Variants in ARHGAP42 observed in about 807,000 individuals in gnomAD.
The protein encoded by ARHGAP42 is rho GTPase-activating protein 42.
A neutral mutation model predicts 125.0 loss-of-function variants in ARHGAP42; 63 were observed. That is an observed-to-expected ratio of 0.50 (90% confidence interval 0.41 to 0.62). ARHGAP42 has a LOEUF of 0.62. ARHGAP42 is among the 20% of genes least tolerant of loss of function. The pLI, the probability that ARHGAP42 is intolerant of heterozygous loss-of-function variation, is 0.00. For synonymous variants in ARHGAP42, 339 were observed against 351.0 expected (o/e 0.97, Z 0.38); for missense variants, 766 against 1,024.2 (o/e 0.75, Z 3.44).
At chr11:100,836,352 A>T (rs551678707) in intron 3 of ARHGAP42, among the ~76,000 whole-genome samples, 1 of 152,240 alleles carries the variant, frequency 6.6e-6, no homozygotes, top group Admixed American at 6.5e-5. Flanking sequence ...ATTTTATGTT[A>T]TGCAGAGCTT....
intron 4 of ARHGAP42, among the ~76,000 whole-genome samples, chr11:100,871,159 T>A (rs1465979321): frequency 6.6e-6 from 1 of 152,162 alleles, no homozygotes; most frequent in Non-Finnish European, 1.5e-5. Flanking sequence ...TTGGAAACCC[T>A]CTAAAGACTA....
chr11:100,971,727 G>C (rs959840302), intron 17 of ARHGAP42, among the ~76,000 whole-genome samples: 2 of 152,068 alleles, frequency 1.3e-5, no homozygotes, highest in African/African-American at 4.8e-5. Flanking sequence ...AGTGCCTAAA[G>C]CTAATTTAAT....
At chr11:100,898,487 G>A (rs1250476096) in intron 4 of ARHGAP42, among the ~76,000 whole-genome samples, 2 of 152,178 alleles carry the variant, frequency 1.3e-5, no homozygotes, top group South Asian at 2.1e-4. Context: ...GTTTTTGGTT[G>A]GTAGGCTATT....
chr11:100,751,769 G>A (rs542195198), intron 1 of ARHGAP42, among the ~76,000 whole-genome samples: 2 of 122,770 alleles, frequency 1.6e-5, no homozygotes, highest in East Asian at 4.2e-4. Flanking sequence ...GATCAGACAG[G>A]CACCTTTTTT....
chr11:100,706,072 C>A (rs1456036057), intron 1 of ARHGAP42, among the ~76,000 whole-genome samples: 2 of 151,192 alleles, frequency 1.3e-5, no homozygotes, highest in African/African-American at 4.9e-5. Flanking sequence ...CTCTGCATCC[C>A]GGGTTCAGGC....
intron 22 of ARHGAP42, chr11:100,986,112 C>T (rs1262892306): frequency 1.5e-5 from 7 of 456,432 alleles, no homozygotes; most frequent in Admixed American, 4.7e-5. Context: ...CATCAGACAT[C>T]GTTCGTGGAG....
intron 1 of ARHGAP42, among the ~76,000 whole-genome samples, chr11:100,752,043 G>A (rs1421864196): frequency 6.6e-6 from 1 of 152,208 alleles, no homozygotes; most frequent in Non-Finnish European, 1.5e-5. Flanking sequence ...GCCTCCCAAA[G>A]TGCTGGGATT....
intron 4 of ARHGAP42, among the ~76,000 whole-genome samples, chr11:100,874,436 TGCCA>T (rs1179107827): frequency 2.0e-5 from 3 of 152,232 alleles, no homozygotes; most frequent in Non-Finnish European, 4.4e-5. Flanking sequence ...GTCTGTTACC[TGCCA>T]GACATTCAAG....
At chr11:100,876,957 G>C (rs991821165) in intron 4 of ARHGAP42, among the ~76,000 whole-genome samples, 1 of 152,170 alleles carries the variant, frequency 6.6e-6, no homozygotes, top group African/African-American at 2.4e-5. Flanking sequence ...CTCTGAGTTG[G>C]AGAGATGACC....
At chr11:100,726,236 C>A (rs994834548) in intron 1 of ARHGAP42, among the ~76,000 whole-genome samples, 1 of 152,150 alleles carries the variant, frequency 6.6e-6, no homozygotes, top group Admixed American at 6.5e-5. Flanking sequence ...CTGCCCTTTT[C>A]AGAAAGTAAT....
At chr11:100,806,659 A>G (rs192594891) in intron 3 of ARHGAP42, among the ~76,000 whole-genome samples, 2 of 152,210 alleles carry the variant, frequency 1.3e-5, no homozygotes, top group East Asian at 3.9e-4. Context: ...TTTCACATTT[A>G]CTGAATTGTG....
chr11:100,747,803 C>G (rs1862339280), intron 1 of ARHGAP42, among the ~76,000 whole-genome samples: 2 of 147,258 alleles, frequency 1.4e-5, no homozygotes, highest in Non-Finnish European at 1.5e-5. Context: ...AATTATACAA[C>G]ATTTCTTGCA....
intron 2 of ARHGAP42, among the ~76,000 whole-genome samples, chr11:100,779,993 T>G (rs1863263049): frequency 6.6e-6 from 1 of 151,534 alleles, no homozygotes; most frequent in Non-Finnish European, 1.5e-5. Context: ...GCCACTGCAC[T>G]CTAGCCTGGG....
rs189625055 is a variant in ARHGAP42, at chr11:100,968,916, C to A, written c.1550+3140C>A. 4.0e-3 allele frequency among the ~76,000 whole-genome samples: 500 copies of A among 125,786 alleles called. 2 individuals are homozygous for A. The highest frequency in any genetic ancestry group is 0.014 in the African/African-American group (480 of 33,188). The allele number at this position is 125,786 out of a possible 152,430, so 82.5% of individuals were successfully genotyped here. A position where few individuals can be genotyped will look rare whatever the true frequency, so the allele number is the denominator to read the frequency against. On this transcript the variant is annotated intron_variant, in intron 17 of 23. Coordinates refer to ENST00000298815, the MANE Select transcript of ARHGAP42 (RefSeq NM_152432.4). ...TTCTACTCTTTTAATTACATAATTACCTACACTGGGTGTTTTTTTGTTTTT... is the reference window on the plus strand; with the variant it reads ...TTCTACTCTTTTAATTACATAATTAACTACACTGGGTGTTTTTTTGTTTTT...
chr11:100,713,999 A>G (rs1861608633), intron 1 of ARHGAP42, among the ~76,000 whole-genome samples: 2 of 152,242 alleles, frequency 1.3e-5, no homozygotes, highest in Non-Finnish European at 2.9e-5. Flanking sequence ...AAGAAAAAAA[A>G]TAATTTAAGG....
intron 5 of ARHGAP42, among the ~76,000 whole-genome samples, chr11:100,918,526 G>A (rs947148451): frequency 5.3e-5 from 8 of 152,142 alleles, no homozygotes; most frequent in Non-Finnish European, 8.8e-5. Flanking sequence ...ATCTCATTTC[G>A]ATTGATGAAT....
intron 22 of ARHGAP42, chr11:100,985,979 A>C: frequency 2.2e-6 from 1 of 454,170 alleles, no homozygotes; most frequent in Non-Finnish European, 4.4e-6. Flanking sequence ...TGGGACCCCA[A>C]GGAGGATAGA....
At chr11:100,853,665 A>G (rs1591239678) in intron 3 of ARHGAP42, among the ~76,000 whole-genome samples, 1 of 152,106 alleles carries the variant, frequency 6.6e-6, no homozygotes, top group Admixed American at 6.6e-5. Context: ...AAAATGGTCA[A>G]TTCCTTCTTG....
chr11:100,715,117 A>G (rs1386604181), intron 1 of ARHGAP42, among the ~76,000 whole-genome samples: 1 of 150,550 alleles, frequency 6.6e-6, no homozygotes, highest in African/African-American at 2.4e-5. Flanking sequence ...AATTAATTAT[A>G]CCCTTGTGTA....
Sources: gnomAD v4.1 joint callset for allele counts (sites outside exome capture counted in the v4.1 genomes callset) on GRCh38, gnomAD v4.1.1 for gene constraint, MANE v1.5 for transcripts, NCBI Gene and HGNC (gene_info 2026-07-23, HGNC 2026-07-21) for gene names.